Variants in EIF2S3 observed in about 807,000 individuals in gnomAD.
EIF2S3 encodes eukaryotic translation initiation factor 2 subunit gamma, also known as eukaryotic translation initiation factor 2 subunit 3.
Under a neutral mutation model 31.7 loss-of-function variants are expected in EIF2S3, and 2 were observed. The observed-to-expected ratio is 0.06, with a 90% CI of 0.03 to 0.20. EIF2S3 has a LOEUF of 0.20. Among genes scored for constraint, EIF2S3 ranks in the 10% least tolerant of loss-of-function variants. The pLI, the probability that EIF2S3 is intolerant of heterozygous loss-of-function variation, is 1.00. For missense variants in EIF2S3, 96 were observed against 359.3 expected, an observed-to-expected ratio of 0.27 and a Z score of 5.92; for synonymous variants, 120 against 126.7, an observed-to-expected ratio of 0.95 and a Z score of 0.36.
At chrX:24,064,383 T>C (rs773331295) in intron 7 of EIF2S3, 48 bp downstream of exon 7, 1 of 1,106,720 alleles carries the variant, frequency 9.0e-7, no homozygotes, top group Non-Finnish European at 1.2e-6. Context: ...CTTTTCCACA[T>C]TGGTGATTCC....
intron 6 of EIF2S3, 27 bp downstream of exon 6, chrX:24,062,601 C>G (rs760511056): frequency 2.5e-6 from 3 of 1,191,690 alleles, no homozygotes; most frequent in Non-Finnish European, 2.3e-6. Flanking sequence ...TGAAATAAAT[C>G]TATGAATCAC....
chrX:24,064,301 C>T lies in EIF2S3; in HGVS notation c.738C>T (p.Pro246=), dbSNP rs1930538289. 2 of 1,193,647 alleles carry T rather than the reference C, an allele frequency of 1.7e-6. No homozygotes were observed. The highest frequency in any genetic ancestry group is 1.9e-5 in the South Asian group (1 of 52,803). ...ACATAGTAAAGAAAATTCCAGTACC[C>T]CCAAGAGACTTTACTTCAGAGCCCC... The part of the protein sequence containing the change: ...CEYIVKKIPV[P]PRDFTSEPRL... Residue 246 remains proline, a synonymous_variant, in exon 7 of 12, where the codon CCC becomes CCT. Coordinates refer to ENST00000253039, the MANE Select transcript of EIF2S3 (RefSeq NM_001415.4).
intron 8 of EIF2S3, among the ~76,000 whole-genome samples, chrX:24,066,418 A>G (rs1050484639): frequency 1.8e-5 from 2 of 110,483 alleles, no homozygotes; most frequent in African/African-American, 6.6e-5. Flanking sequence ...TACTTAACAA[A>G]ATGGCCTCCA....
chrX:24,069,227 C>T (rs774903677), intron 9 of EIF2S3, among the ~76,000 whole-genome samples: 3 of 108,470 alleles, frequency 2.8e-5, no homozygotes, highest in South Asian at 8.1e-4. Flanking sequence ...ACTAAAAATA[C>T]AAAAGTTAGC....
intron 9 of EIF2S3, among the ~76,000 whole-genome samples, chrX:24,071,237 T>C (rs1051108908): frequency 5.5e-5 from 6 of 108,272 alleles, no homozygotes; most frequent in Non-Finnish European, 9.6e-5. Context: ...GTCACCCAGG[T>C]TGGAGTGCAG....
intron 9 of EIF2S3, among the ~76,000 whole-genome samples, chrX:24,068,996 G>T (rs978859252): frequency 1.8e-5 from 2 of 111,792 alleles, no homozygotes; most frequent in Non-Finnish European, 3.8e-5. Flanking sequence ...AAAATGTTTG[G>T]TAAAGAAACA....
intron 8 of EIF2S3, 139 bp downstream of exon 8, chrX:24,066,231 A>G: frequency 2.4e-6 from 1 of 415,632 alleles, no homozygotes; most frequent in Non-Finnish European, 4.0e-6. Context: ...GGTTTCTGGT[A>G]TTTGATGTAG....
intron 8 of EIF2S3, among the ~76,000 whole-genome samples, chrX:24,067,681 C>T (rs1384583562): frequency 9.2e-6 from 1 of 108,598 alleles, no homozygotes; most frequent in Non-Finnish European, 1.9e-5. Context: ...ACCTCTGCCT[C>T]CCAGGTTCTA....
intron 7 of EIF2S3, among the ~76,000 whole-genome samples, chrX:24,064,777 T>C (rs1930546187): frequency 2.7e-5 from 3 of 111,514 alleles, no homozygotes; most frequent in Admixed American, 1.9e-4. Flanking sequence ...TGCAATGAGC[T>C]GAGATCGCGC....
rs763065299 is a variant in EIF2S3, at chrX:24,056,640, C to T, written c.134-781C>T. 9.7e-3 allele frequency among the ~76,000 whole-genome samples: 1,081 copies of T among 111,460 alleles called. 7 individuals carry two copies. The highest frequency in any genetic ancestry group is 0.016 in the Non-Finnish European group (844 of 53,122). On this transcript the variant is annotated intron_variant, in intron 2 of 11. Coordinates refer to ENST00000253039, the MANE Select transcript of EIF2S3 (RefSeq NM_001415.4). ...TTGGGAGGCCAAGGCAGGTGGATTG[C>T]TTGAGCCCAGGAGTTGGAGACCACC... is the stretch of plus-strand genomic sequence containing the variant.
At position 24,057,677 on chromosome X, in the gene EIF2S3, T is replaced by C. The variant is rs370164270; in HGVS notation, c.306T>C (p.Tyr102=). The C allele has an allele frequency of 1.1e-4, 130 of 1,210,447 alleles. No individual in the cohort carries two copies. Among genetic ancestry groups the C allele is most frequent in the Non-Finnish European group, 1.4e-4 (121 of 895,363 alleles). Residue 102 remains tyrosine (Y), a synonymous_variant, in exon 4 of 12, where the codon TAT becomes TAC. Coordinates refer to ENST00000253039, the MANE Select transcript of EIF2S3 (RefSeq NM_001415.4). ...CAAGTTGCCCTCGGCCAGAATGTTATAGATCTTGTGGGAGCAGTACACCTG... is the reference window on the plus strand; with the variant it reads ...CAAGTTGCCCTCGGCCAGAATGTTACAGATCTTGTGGGAGCAGTACACCTG... The part of the protein sequence containing the change: ...DDPSCPRPEC[Y]RSCGSSTPDE...
chrX:24,058,361 T>A lies in EIF2S3; in HGVS notation c.383+607T>A, dbSNP rs181145749. ...AAATATTTTAATGCAGTGTTTTTTT[T>A]AAATTAATGCAAAAAATGTGATAAA... On this transcript the variant is annotated intron_variant, in intron 4 of 11. Coordinates refer to ENST00000253039, the MANE Select transcript of EIF2S3 (RefSeq NM_001415.4). 5.7e-3 allele frequency among the ~76,000 whole-genome samples: 638 copies of A among 111,518 alleles called. 2 individuals are homozygous for A. The highest frequency in any genetic ancestry group is 9.2e-3 in the Middle Eastern group (2 of 217).
intron 4 of EIF2S3, among the ~76,000 whole-genome samples, chrX:24,058,392 A>G (rs1247753216): frequency 9.0e-6 from 1 of 111,683 alleles, no homozygotes; most frequent in Non-Finnish European, 1.9e-5. Context: ...ATAAATCAGA[A>G]TTTTAAATAA....
chrX:24,064,280 A>G lies in EIF2S3; in HGVS notation c.717A>G (p.Ile239Met). 1 of 1,200,106 alleles carries G rather than the reference A, an allele frequency of 8.3e-7. No individual in the cohort carries two copies. Among genetic ancestry groups the G allele is most frequent in the Non-Finnish European group, 1.1e-6 (1 of 890,992 alleles). Residue 239 changes from isoleucine to methionine, a missense_variant, in exon 7 of 12, where the codon ATA (isoleucine) becomes ATG (methionine). Ile to Met is a conservative substitution (Grantham distance 10). Around this residue, in one of 5 missense-constraint regions of EIF2S3, gnomAD observed 30 missense variants for 139.5 expected, o/e 0.22. Transcript: ENST00000253039. ...KYNIEVVCEY[I>M]VKKIPVPPRD... ...ATATTGAAGTTGTTTGTGAGTACAT[A>G]GTAAAGAAAATTCCAGTACCCCCAA... is the stretch of plus-strand genomic sequence containing the variant.
At position 24,055,608 on chromosome X, in the gene EIF2S3, A is replaced by G. The variant is rs780705102; in HGVS notation, c.70-7A>G. The G allele has an allele frequency of 4.1e-6, 5 of 1,209,722 alleles. No homozygotes were observed. In the Admixed American group the frequency reaches 8.7e-5, roughly 21 times the overall value. ...CGTGCAGTGTTTTAAAATATATTTC[A>G]TTGCAGGATGTTACCAAGTTGACGC... On this transcript the variant is annotated splice_region_variant and splice_polypyrimidine_tract_variant and intron_variant, in intron 1 of 11. Coordinates refer to ENST00000253039, the MANE Select transcript of EIF2S3 (RefSeq NM_001415.4).
chrX:24,055,976 A>G (rs1930397536), intron 2 of EIF2S3, among the ~76,000 whole-genome samples: 1 of 112,098 alleles, frequency 8.9e-6, no homozygotes, highest in African/African-American at 3.2e-5. Context: ...ATGTGGCTGT[A>G]CTTGACACAC....
chrX:24,062,029 A>G lies in EIF2S3; in HGVS notation c.479-387A>G, dbSNP rs560894230. On this transcript the variant is annotated intron_variant, in intron 5 of 11. Transcript: ENST00000253039. ...CAAAAGGTGGATACCTGGCAATAAT[A>G]TCTTCCTTATTAGGGTTAGAACATT... Among the ~76,000 whole-genome samples the G allele has an allele frequency of 1.2e-4, 13 of 111,590 alleles. No homozygotes were observed. In the South Asian group the frequency reaches 4.5e-3, roughly 39 times the overall value.
intron 1 of EIF2S3, among the ~76,000 whole-genome samples, chrX:24,055,318 G>A (rs1930384150): frequency 1.8e-5 from 2 of 111,842 alleles, no homozygotes; most frequent in South Asian, 3.7e-4. Flanking sequence ...CTGAACGTCT[G>A]GGAAGGGGGT....
intron 9 of EIF2S3, among the ~76,000 whole-genome samples, chrX:24,070,920 C>G (rs920190124): frequency 1.8e-5 from 2 of 111,387 alleles, no homozygotes; most frequent in African/African-American, 6.5e-5. Flanking sequence ...GTTTTCAAGA[C>G]CAGGTCAGTA....
Sources: allele counts gnomAD v4.1 joint callset (sites outside exome capture counted in the v4.1 genomes callset), GRCh38; gene constraint gnomAD v4.1.1; regional missense constraint gnomAD v4.1.1; transcripts MANE v1.5; gene names NCBI Gene and HGNC (gene_info 2026-07-23, HGNC 2026-07-21).